The following DOCK4 variants were observed in gnomAD, a reference collection of about 807,000 sequenced individuals.
The protein encoded by DOCK4 is dedicator of cytokinesis 4, also known as dedicator of cytokinesis protein 4.
A neutral mutation model predicts 268.1 loss-of-function variants in DOCK4; 97 were observed. That is an observed-to-expected ratio of 0.36 (90% CI 0.31 to 0.43). The LOEUF is 0.43. Ranked by LOEUF, DOCK4 falls within the 20% of genes least tolerant of loss-of-function variation. The pLI is 1.00. For synonymous variants in DOCK4, 954 were observed against 887.2 expected (o/e 1.08, Z -1.34); for missense variants, 2,145 against 2,455.7 (o/e 0.87, Z 2.67).
At chr7:111,860,752 T>A (rs991679140) in intron 23 of DOCK4, among the ~76,000 whole-genome samples, 1 of 152,114 alleles carries the variant, frequency 6.6e-6, no homozygotes, top group Non-Finnish European at 1.5e-5. Context: ...GTACATACTC[T>A]CATCAATTCC....
At chr7:111,777,635 C>T (rs540862187) in intron 36 of DOCK4, among the ~76,000 whole-genome samples, 1 of 152,238 alleles carries the variant, frequency 6.6e-6, no homozygotes, top group South Asian at 2.1e-4. Flanking sequence ...TATGGTTTGG[C>T]TGTGTCCCCA....
chr7:111,844,738 C>T (rs1027050983), intron 25 of DOCK4, 25 bp downstream of exon 25: 18 of 1,601,874 alleles, frequency 1.1e-5, no homozygotes, highest in Admixed American at 6.9e-5. Flanking sequence ...CCCTGTTCCA[C>T]GTGCCATCTG....
chr7:111,736,107 A>C (rs1252354432), intron 50 of DOCK4, among the ~76,000 whole-genome samples: 2 of 152,232 alleles, frequency 1.3e-5, no homozygotes, highest in African/African-American at 4.8e-5. Context: ...CTAAGACTTC[A>C]CTAATTTCCA....
intron 1 of DOCK4, among the ~76,000 whole-genome samples, chr7:112,095,310 G>T (rs1223428881): frequency 6.6e-6 from 1 of 152,188 alleles, no homozygotes; most frequent in Non-Finnish European, 1.5e-5. Context: ...AGCCTTAAGA[G>T]GGAAGAAGTT....
At position 111,945,754 on chromosome 7, in the gene DOCK4, G is replaced by C; in HGVS notation, c.746C>G (p.Ala249Gly). The change falls in exon 9 of 53, where the codon GCC becomes GGC. Residue 249 changes from alanine (A) to glycine (G), a missense_variant. Around this residue, in one of 2 missense-constraint regions of DOCK4, gnomAD observed 1,598 missense variants for 1,986.7 expected, o/e 0.80. Coordinates refer to ENST00000428084, the MANE Select transcript of DOCK4 (RefSeq NM_001363540.2). ...LRLNRNGLPK[A>G]PDKPERHCSL... ...GCAATGTCGTTCCGGTTTATCAGGGGCTTTGGGAAGCCCGTTTCTATTCAG... is the reference window on the plus strand; with the variant it reads ...GCAATGTCGTTCCGGTTTATCAGGGCCTTTGGGAAGCCCGTTTCTATTCAG... 6.3e-7 allele frequency: 1 copy of C among 1,598,786 alleles called. No homozygotes were observed. The highest frequency in any genetic ancestry group is 8.5e-7 in the Non-Finnish European group (1 of 1,172,300).
At chr7:111,923,124 A>G (rs902494035) in intron 12 of DOCK4, among the ~76,000 whole-genome samples, 1 of 152,240 alleles carries the variant, frequency 6.6e-6, no homozygotes, top group Non-Finnish European at 1.5e-5. Context: ...CAATACAGTA[A>G]TAACAATCAT....
At chr7:111,746,025 C>T (rs777961779) in intron 44 of DOCK4, among the ~76,000 whole-genome samples, 5 of 152,096 alleles carry the variant, frequency 3.3e-5, no homozygotes, top group Non-Finnish European at 2.9e-5. Context: ...TGGGTCCCTC[C>T]CCCAAGATAT....
intron 3 of DOCK4, among the ~76,000 whole-genome samples, chr7:111,999,653 A>C (rs2135287051): frequency 6.6e-6 from 1 of 152,194 alleles, no homozygotes; most frequent in East Asian, 1.9e-4. Flanking sequence ...ATGACCTAAA[A>C]TACATGAAGT....
At chr7:111,925,322 A>G (rs1793514925) in intron 12 of DOCK4, among the ~76,000 whole-genome samples, 1 of 152,220 alleles carries the variant, frequency 6.6e-6, no homozygotes, top group Non-Finnish European at 1.5e-5. Context: ...TACACCAAGC[A>G]GTAAAATCCT....
intron 22 of DOCK4, among the ~76,000 whole-genome samples, chr7:111,865,203 C>G (rs1173336800): frequency 6.6e-6 from 1 of 152,192 alleles, no homozygotes; most frequent in East Asian, 1.9e-4. Context: ...AGGTGTGTGT[C>G]CATGAAATAG....
intron 1 of DOCK4, among the ~76,000 whole-genome samples, chr7:112,088,725 TCAAA>T (rs1437828713): frequency 4.6e-5 from 7 of 152,132 alleles, no homozygotes; most frequent in Non-Finnish European, 7.4e-5. Context: ...ATGGTGAACA[TCAAA>T]CATTCTAGAG....
rs570927533 is a variant in DOCK4, at chr7:111,853,802, T to C, written c.2474-6676A>G. On this transcript the variant is annotated intron_variant, in intron 23 of 52. Coordinates refer to ENST00000428084, the MANE Select transcript of DOCK4 (RefSeq NM_001363540.2). ...ACGCCACCTCCTGGCCTGGGACTCC[T>C]ACATAGCCACCCTGCCACACACTGT... is the stretch of plus-strand genomic sequence containing the variant. Among the ~76,000 whole-genome samples, 3 of 152,336 alleles carry C rather than the reference T, an allele frequency of 2.0e-5. No homozygotes were observed. In the South Asian group the frequency reaches 6.2e-4, roughly 32 times the overall value.
At chr7:112,047,351 C>CA (rs775600367) in intron 1 of DOCK4, among the ~76,000 whole-genome samples, 4 of 152,116 alleles carry the variant, frequency 2.6e-5, no homozygotes, top group Non-Finnish European at 5.9e-5. Flanking sequence ...TACAAAAGTG[C>CA]AAATAAGCAG....
At chr7:112,086,433 C>G (rs1396100872) in intron 1 of DOCK4, among the ~76,000 whole-genome samples, 1 of 151,960 alleles carries the variant, frequency 6.6e-6, no homozygotes, top group Non-Finnish European at 1.5e-5. Flanking sequence ...ACAGGAGAGT[C>G]AATGAAACAG....
At chr7:111,809,985 T>C (rs1325942022) in intron 28 of DOCK4, among the ~76,000 whole-genome samples, 2 of 115,450 alleles carry the variant, frequency 1.7e-5, no homozygotes, top group Admixed American at 8.6e-5. Context: ...GAAATAAACT[T>C]AGCAAAAAAA....
intron 36 of DOCK4, among the ~76,000 whole-genome samples, chr7:111,774,067 C>A (rs186222365): frequency 2.0e-4 from 31 of 151,902 alleles, no homozygotes; most frequent in Admixed American, 5.3e-4. Flanking sequence ...TCAAGGGACT[C>A]CTTAACTGAA....
At chr7:111,775,445 GGA>G (rs1462983431) in intron 36 of DOCK4, among the ~76,000 whole-genome samples, 2 of 152,280 alleles carry the variant, frequency 1.3e-5, no homozygotes, top group African/African-American at 4.8e-5. Flanking sequence ...TAAACAGCCT[GGA>G]GAGACTATAT....
At chr7:111,856,827 G>T (rs1219103398) in intron 23 of DOCK4, among the ~76,000 whole-genome samples, 1 of 152,098 alleles carries the variant, frequency 6.6e-6, no homozygotes, top group African/African-American at 2.4e-5. Flanking sequence ...CTTTCTTGAG[G>T]TCCCAGGTAG....
intron 2 of DOCK4, among the ~76,000 whole-genome samples, chr7:112,003,418 CA>C (rs1205346884): frequency 1.3e-5 from 2 of 152,016 alleles, no homozygotes; most frequent in Non-Finnish European, 2.9e-5. Flanking sequence ...ACAAAGTAGT[CA>C]TTTGATCAGA....
Sources: gnomAD v4.1 joint callset for allele counts (sites outside exome capture counted in the v4.1 genomes callset) on GRCh38, gnomAD v4.1.1 for gene constraint, gnomAD v4.1.1 regional missense constraint, MANE v1.5 for transcripts, NCBI Gene and HGNC (gene_info 2026-07-23, HGNC 2026-07-21) for gene names.